Variants in NAV2 observed in about 807,000 individuals in gnomAD.
NAV2 encodes neuron navigator 2.
In NAV2, 54 loss-of-function variants were observed where a neutral mutation model predicts 223.2. The observed-to-expected ratio is 0.24, with a 90% CI of 0.19 to 0.30. NAV2 has a LOEUF of 0.30. NAV2 is among the 10% of genes least tolerant of loss of function. The probability of loss-of-function intolerance (pLI) is 1.00; values close to 1 mark genes in which losing one functional copy is unlikely to be tolerated. For missense variants in NAV2, 2,806 were observed against 3,147.5 expected (o/e 0.89, Z 2.60); for synonymous variants, 1,279 against 1,239.3 (o/e 1.03, Z -0.67).
intron 29 of NAV2, among the ~76,000 whole-genome samples, chr11:20,094,091 A>G (rs2061054295): frequency 6.6e-6 from 1 of 152,130 alleles, no homozygotes; most frequent in Non-Finnish European, 1.5e-5. Context: ...TATAGGGGGT[A>G]AGCTCAGCAT....
chr11:19,625,761 C>A (rs935682045), intron 1 of NAV2, among the ~76,000 whole-genome samples: 3 of 152,096 alleles, frequency 2.0e-5, no homozygotes, highest in Admixed American at 2.0e-4. Flanking sequence ...TGAGATGACA[C>A]CCCATTGTGG....
chr11:19,601,084 A>G (rs1198339994), intron 1 of NAV2, among the ~76,000 whole-genome samples: 1 of 152,142 alleles, frequency 6.6e-6, no homozygotes, highest in Non-Finnish European at 1.5e-5. Context: ...GCTATCTGTC[A>G]TCTCTGTACA....
intron 3 of NAV2, among the ~76,000 whole-genome samples, chr11:19,854,819 G>A (rs2061333084): frequency 6.6e-6 from 1 of 152,174 alleles, no homozygotes; most frequent in South Asian, 2.1e-4. Context: ...CCTCTGTGAA[G>A]TGTCCTTTTT....
At chr11:19,653,380 G>A (rs959043778) in intron 1 of NAV2, among the ~76,000 whole-genome samples, 2 of 152,212 alleles carry the variant, frequency 1.3e-5, no homozygotes, top group African/African-American at 2.4e-5. Context: ...GAGTAAGGAG[G>A]ACAAGAGGAA....
chr11:19,844,645 G>A (rs573143544), intron 3 of NAV2, among the ~76,000 whole-genome samples: 2 of 152,292 alleles, frequency 1.3e-5, no homozygotes, highest in South Asian at 4.1e-4. Context: ...GATTTGAGAT[G>A]TTCAACCTGT....
chr11:19,857,767 A>G (rs2061481018), intron 3 of NAV2, among the ~76,000 whole-genome samples: 1 of 152,224 alleles, frequency 6.6e-6, no homozygotes, highest in Admixed American at 6.5e-5. Context: ...TGATATATGT[A>G]TACATTGTAT....
intron 1 of NAV2, among the ~76,000 whole-genome samples, chr11:19,721,515 A>T (rs564830831): frequency 1.1e-3 from 167 of 152,352 alleles, no homozygotes; most frequent in African/African-American, 3.8e-3. Context: ...TTAGATTATG[A>T]ATCATTATTT....
At chr11:19,491,382 G>T (rs541284077) in intron 1 of NAV2, among the ~76,000 whole-genome samples, 2 of 152,290 alleles carry the variant, frequency 1.3e-5, no homozygotes, top group Middle Eastern at 3.4e-3. Context: ...CTTCATCAAT[G>T]ATGTTAGCTA....
chr11:20,023,692 A>C (rs902136632), intron 11 of NAV2, among the ~76,000 whole-genome samples: 5 of 90,974 alleles, frequency 5.5e-5, no homozygotes, highest in African/African-American at 2.4e-4. Flanking sequence ...TATACAGCAA[A>C]TTGCTGGGTG....
chr11:19,952,001 T>C (rs1221972296), intron 10 of NAV2, among the ~76,000 whole-genome samples: 3 of 152,222 alleles, frequency 2.0e-5, no homozygotes, highest in Non-Finnish European at 4.4e-5. Context: ...CTTCTAGTTG[T>C]AGCATTCTAG....
intron 10 of NAV2, among the ~76,000 whole-genome samples, chr11:19,964,860 C>A (rs1250266930): frequency 1.2e-5 from 1 of 85,052 alleles, no homozygotes; most frequent in Non-Finnish European, 2.2e-5. Context: ...ACTCTTGTTT[C>A]CCAGGCTGGA....
chr11:19,562,431 A>T (rs1345037444), intron 1 of NAV2, among the ~76,000 whole-genome samples: 1 of 152,152 alleles, frequency 6.6e-6, no homozygotes, highest in Admixed American at 6.5e-5. Context: ...GCAGGATAAG[A>T]TACTTACAAT....
At chr11:19,657,723 C>T (rs529612488) in intron 1 of NAV2, among the ~76,000 whole-genome samples, 6 of 152,126 alleles carry the variant, frequency 3.9e-5, no homozygotes, top group Admixed American at 6.5e-5. Context: ...TACTGCTCTG[C>T]GGCTCCAGAC....
At chr11:19,411,365 T>C (rs1850137726) in intron 1 of NAV2, among the ~76,000 whole-genome samples, 1 of 152,178 alleles carries the variant, frequency 6.6e-6, no homozygotes, top group Admixed American at 6.5e-5. Context: ...ATGCCACCAA[T>C]AGCATTTCCT....
intron 10 of NAV2, among the ~76,000 whole-genome samples, chr11:19,982,359 C>G (rs1454706814): frequency 6.6e-6 from 1 of 152,096 alleles, no homozygotes; most frequent in Non-Finnish European, 1.5e-5. Context: ...CCTCCACCTC[C>G]CGGGTTCAAG....
chr11:19,839,472 C>G (rs2060402428), intron 2 of NAV2, among the ~76,000 whole-genome samples: 1 of 152,198 alleles, frequency 6.6e-6, no homozygotes, highest in Non-Finnish European at 1.5e-5. Context: ...ATAGCAGCTT[C>G]TTTTCCACCA....
intron 11 of NAV2, among the ~76,000 whole-genome samples, chr11:20,016,267 G>C (rs1019586884): frequency 6.6e-6 from 1 of 152,176 alleles, no homozygotes; most frequent in Admixed American, 6.5e-5. Context: ...CTGGATTTGT[G>C]AGTTGAGGCT....
intron 1 of NAV2, among the ~76,000 whole-genome samples, chr11:19,377,198 C>T: frequency 6.6e-6 from 1 of 152,050 alleles, no homozygotes; most frequent in Non-Finnish European, 1.5e-5. Context: ...TTGCATTGCC[C>T]CAAGGAAGCA....
chr11:19,356,444 TG>T (rs946534928), intron 1 of NAV2, among the ~76,000 whole-genome samples: 2 of 152,194 alleles, frequency 1.3e-5, no homozygotes, highest in Non-Finnish European at 2.9e-5. Context: ...ATCATGATGA[TG>T]AGCTTAGATA....
Sources: allele counts gnomAD v4.1 joint callset (sites outside exome capture counted in the v4.1 genomes callset), GRCh38; gene constraint gnomAD v4.1.1; transcripts MANE v1.5; gene names NCBI Gene and HGNC (gene_info 2026-07-23, HGNC 2026-07-21).